Variants in TAX1BP1 observed in about 807,000 individuals in gnomAD.
TAX1BP1 encodes the protein tax1-binding protein 1.
Under a neutral mutation model 97.7 loss-of-function variants are expected in TAX1BP1, and 62 were observed. That is an observed-to-expected ratio of 0.63 (90% CI 0.52 to 0.78). TAX1BP1 has a LOEUF of 0.78. Ranked by LOEUF, TAX1BP1 falls within the 30% of genes least tolerant of loss-of-function variation. TAX1BP1 has a pLI of 0.00. For missense variants in TAX1BP1, 867 were observed against 916.1 expected (o/e 0.95, Z 0.69); for synonymous variants, 340 against 304.2 (o/e 1.12, Z -1.23).
At chr7:27,776,330 C>T (rs553857307) in intron 5 of TAX1BP1, among the ~76,000 whole-genome samples, 3 of 152,138 alleles carry the variant, frequency 2.0e-5, no homozygotes, top group East Asian at 1.9e-4. Context: ...TTTTGTAGTG[C>T]AGGTCTTCTG....
chr7:27,812,504 A>G (rs1790596339), intron 13 of TAX1BP1, among the ~76,000 whole-genome samples: 1 of 152,104 alleles, frequency 6.6e-6, no homozygotes, highest in African/African-American at 2.4e-5. Flanking sequence ...AGTCCAGTTT[A>G]TCAGTATTTG....
chr7:27,809,123 CTAA>C lies in TAX1BP1; in HGVS notation c.1765-7221_1765-7219del, dbSNP rs1358003429. On this transcript the variant is annotated intron_variant, in intron 13 of 16. Coordinates refer to ENST00000396319, the MANE Select transcript of TAX1BP1 (RefSeq NM_006024.7). The stretch of plus-strand genomic sequence containing the variant: ...TGTTAAATAAGATTTAATAGCATGT[CTAA>C]TAATGACTGTAATTTTGAAGTGGTG... 2.6e-5 allele frequency among the ~76,000 whole-genome samples: 4 copies of C among 151,604 alleles called. 1 individual carries two copies. The highest frequency in any genetic ancestry group is 5.9e-5 in the Non-Finnish European group (4 of 67,814).
At chr7:27,741,492 T>C (rs1787598550) in intron 1 of TAX1BP1, among the ~76,000 whole-genome samples, 1 of 152,050 alleles carries the variant, frequency 6.6e-6, no homozygotes, top group African/African-American at 2.4e-5. Flanking sequence ...TTTCTAGTCA[T>C]CACGTTCTTT....
intron 15 of TAX1BP1, among the ~76,000 whole-genome samples, chr7:27,824,857 C>A (rs1410095434): frequency 6.6e-6 from 1 of 151,966 alleles, no homozygotes; most frequent in African/African-American, 2.4e-5. Context: ...AAATTTGGAA[C>A]TGTTCATAAA....
chr7:27,817,823 A>C (rs1790835700), intron 15 of TAX1BP1, among the ~76,000 whole-genome samples: 1 of 152,078 alleles, frequency 6.6e-6, no homozygotes, highest in Non-Finnish European at 1.5e-5. Context: ...CTTTGCAAGT[A>C]CAGTGGTATC....
At chr7:27,788,940 C>A (rs185908526) in intron 8 of TAX1BP1, among the ~76,000 whole-genome samples, 247 of 152,036 alleles carry the variant, frequency 1.6e-3, no homozygotes, top group Admixed American at 4.2e-3. Flanking sequence ...ATTGATAGCT[C>A]CAATTCAGAT....
At chr7:27,769,112 A>G (rs182244900) in intron 4 of TAX1BP1, among the ~76,000 whole-genome samples, 8 of 150,250 alleles carry the variant, frequency 5.3e-5, no homozygotes, top group Admixed American at 4.0e-4. Context: ...TTGTCCTAAA[A>G]TTTGTATTTT....
At chr7:27,826,784 A>G (rs1255777524) in intron 15 of TAX1BP1, among the ~76,000 whole-genome samples, 2 of 152,132 alleles carry the variant, frequency 1.3e-5, no homozygotes, top group Non-Finnish European at 2.9e-5. Flanking sequence ...TCACTTGACA[A>G]CCTCTGAAAT....
At chr7:27,752,449 A>G (rs1788052852) in intron 2 of TAX1BP1, among the ~76,000 whole-genome samples, 1 of 152,218 alleles carries the variant, frequency 6.6e-6, no homozygotes. Context: ...AGTTGTGTCA[A>G]GAGTGCCAGA....
chr7:27,757,287 T>A (rs1240094142), intron 2 of TAX1BP1, among the ~76,000 whole-genome samples: 1 of 152,142 alleles, frequency 6.6e-6, no homozygotes, highest in Non-Finnish European at 1.5e-5. Flanking sequence ...TTGAGGTATG[T>A]ATATATTCAT....
intron 10 of TAX1BP1, 33 bp downstream of exon 10, chr7:27,793,245 GTGT>G: frequency 3.3e-6 from 5 of 1,509,506 alleles, no homozygotes; most frequent in Non-Finnish European, 3.5e-6. Context: ...ATAGTAAAAT[GTGT>G]TGTTAGTATT....
At chr7:27,771,486 T>TAC (rs371101438) in intron 5 of TAX1BP1, among the ~76,000 whole-genome samples, 84 of 151,700 alleles carry the variant, frequency 5.5e-4, no homozygotes, top group African/African-American at 1.4e-3. Flanking sequence ...CATATATATA[T>TAC]ACACACACAC....
intron 13 of TAX1BP1, among the ~76,000 whole-genome samples, chr7:27,810,921 C>G (rs1790534947): frequency 6.6e-6 from 1 of 152,064 alleles, no homozygotes; most frequent in Non-Finnish European, 1.5e-5. Flanking sequence ...TAGGATCCAT[C>G]TCAAATGGCT....
chr7:27,772,784 G>GA (rs1788894823), intron 5 of TAX1BP1, among the ~76,000 whole-genome samples: 1 of 151,998 alleles, frequency 6.6e-6, no homozygotes, highest in Non-Finnish European at 1.5e-5. Flanking sequence ...TTGGCTGCTT[G>GA]AAGGAATAAA....
intron 2 of TAX1BP1, among the ~76,000 whole-genome samples, chr7:27,757,515 T>G (rs957493662): frequency 6.6e-6 from 1 of 152,068 alleles, no homozygotes; most frequent in Non-Finnish European, 1.5e-5. Flanking sequence ...ATAAATTAAG[T>G]TTTTTGAATT....
chr7:27,795,765 G>T (rs1335673646), intron 11 of TAX1BP1, among the ~76,000 whole-genome samples: 1 of 152,224 alleles, frequency 6.6e-6, no homozygotes, highest in East Asian at 1.9e-4. Context: ...TGTTAGCCAG[G>T]ATGGTCTCGA....
intron 5 of TAX1BP1, among the ~76,000 whole-genome samples, chr7:27,777,347 A>G (rs1789071187): frequency 6.6e-6 from 1 of 152,046 alleles, no homozygotes; most frequent in African/African-American, 2.4e-5. Context: ...AGCTTTGTTT[A>G]GTGGTACCAG....
chr7:27,739,860 A>C (rs1354316970), upstream of TAX1BP1: 2 of 152,300 alleles, frequency 1.3e-5, no homozygotes, highest in Non-Finnish European at 2.9e-5. Context: ...TGCCCTTTCC[A>C]CATCGCTGGT....
At chr7:27,793,995 C>G (rs1363142581) in intron 10 of TAX1BP1, among the ~76,000 whole-genome samples, 1 of 152,192 alleles carries the variant, frequency 6.6e-6, no homozygotes, top group Non-Finnish European at 1.5e-5. Context: ...TTAAGTATGA[C>G]TCACTCACAT....
Sources: gnomAD v4.1 joint callset for allele counts (sites outside exome capture counted in the v4.1 genomes callset) on GRCh38, gnomAD v4.1.1 for gene constraint, MANE v1.5 for transcripts, NCBI Gene and HGNC (gene_info 2026-07-23, HGNC 2026-07-21) for gene names.